The following TFAP2A variants were observed in gnomAD, a reference collection of about 807,000 sequenced individuals.
The protein encoded by TFAP2A is transcription factor AP-2 alpha, also known as transcription factor AP-2-alpha.
TFAP2A carries 7 observed loss-of-function variants against 41.5 expected under a neutral mutation model. The observed-to-expected ratio is 0.17, with a 90% CI of 0.10 to 0.32. The LOEUF is 0.32. Among genes scored for constraint, TFAP2A ranks in the 10% least tolerant of loss-of-function variants. TFAP2A has a pLI of 1.00. For missense variants in TFAP2A, 416 were observed against 563.3 expected, an observed-to-expected ratio of 0.74 and a Z score of 2.65; for synonymous variants, 247 against 242.8, an observed-to-expected ratio of 1.02 and a Z score of -0.16.
At chr6:10,411,716 A>G in intron 1 of TFAP2A, 1 of 1,560,616 alleles carries the variant, frequency 6.4e-7, no homozygotes, top group Non-Finnish European at 8.7e-7. Flanking sequence ...CGCGCCACCC[A>G]GGACTCCAGT....
chr6:10,411,358 T>G (rs1295318009), intron 1 of TFAP2A, among the ~76,000 whole-genome samples: 1 of 150,170 alleles, frequency 6.7e-6, no homozygotes, highest in Non-Finnish European at 1.5e-5. Flanking sequence ...CTCGGAGAGG[T>G]CGAGCGGGGG....
intron 5 of TFAP2A, chr6:10,400,836 CCT>C (rs1457222220): frequency 1.5e-6 from 1 of 665,112 alleles, no homozygotes; most frequent in Non-Finnish European, 2.8e-6. Context: ...CATCCACCAA[CCT>C]CCAGTCCCAT....
At chr6:10,410,667 T>C (rs1355056651) in intron 1 of TFAP2A, among the ~76,000 whole-genome samples, 1 of 152,150 alleles carries the variant, frequency 6.6e-6, no homozygotes, top group Non-Finnish European at 1.5e-5. Flanking sequence ...TCCTCCTAAA[T>C]ACTAAACAGC....
rs1761967264 is a variant in TFAP2A, at chr6:10,400,490, G to A, written c.989C>T (p.Pro330Leu). The change falls in exon 6 of 7, where the codon CCC becomes CTC. Residue 330 changes from proline to leucine, a missense_variant. Physicochemically the swap from Pro to Leu is moderately conservative, Grantham distance 98 (BLOSUM62 -3). Around this residue, in one of 3 missense-constraint regions of TFAP2A, gnomAD observed 116 missense variants for 153.8 expected, o/e 0.75. Coordinates refer to ENST00000379613, the MANE Select transcript of TFAP2A (RefSeq NM_001372066.1). Reference sequence around the variant, plus strand: ...GTTTTTTCTTGTCACTTGCTCATTGGGATCGGAATGTTGTCGGTTGAGAAA... The same window carrying A: ...GTTTTTTCTTGTCACTTGCTCATTGAGATCGGAATGTTGTCGGTTGAGAAA... ...AEFLNRQHSD[P>L]NEQVTRKNML... 6.2e-7 allele frequency: 1 copy of A among 1,614,058 alleles called. No individual in the cohort carries two copies. The highest frequency in any genetic ancestry group is 1.3e-5 in the African/African-American group (1 of 74,906).
In TFAP2A at chr6:10,404,720, C is replaced by T. The variant is rs1052818666; in HGVS notation, c.558G>A (p.Lys186=). ...VIKKGPVSLS[K]SNSNAVSAIP... ...TGGCGGAGACGGCATTGCTGTTGGA[C>T]TTGGACAGGGACACGGGGCCTGCGG... The change falls in exon 4 of 7, where the codon AAG becomes AAA. Residue 186 remains lysine, a synonymous_variant. Coordinates refer to ENST00000379613, the MANE Select transcript of TFAP2A (RefSeq NM_001372066.1). The T allele has an allele frequency of 6.2e-7, 1 of 1,614,054 alleles. No individual in the cohort carries two copies. The highest frequency in any genetic ancestry group is 8.5e-7 in the Non-Finnish European group (1 of 1,180,012).
In TFAP2A at chr6:10,398,194, A is replaced by AGGTCGAGGCGGGTGCAG. The variant is rs1035826843; in HGVS notation, c.*206_*222dup. The stretch of plus-strand genomic sequence containing the variant: ...CACAGGGGTGTGGGAGCGGGTGGGG[A>AGGTCGAGGCGGGTGCAG]GGTCGAGGCGGGTGCAGAGTCGGAG... On this transcript the variant is annotated 3_prime_UTR_variant, in exon 7 of 7. Coordinates refer to ENST00000379613, the MANE Select transcript of TFAP2A (RefSeq NM_001372066.1). The surrounding 1 kb of genome is among the most constrained non-coding windows in gnomAD (Gnocchi z 5.3). 2.5e-4 allele frequency: 361 copies of AGGTCGAGGCGGGTGCAG among 1,446,912 alleles called. No individual in the cohort carries two copies. The highest frequency in any genetic ancestry group is 3.1e-4 in the Non-Finnish European group (337 of 1,104,058). 89.6% of individuals were successfully genotyped at this position (1,446,912 alleles called of 1,614,324 possible).
chr6:10,412,154 A>C (rs900910078), intron 1 of TFAP2A: 2 of 989,622 alleles, frequency 2.0e-6, no homozygotes, highest in Non-Finnish European at 2.4e-6. Context: ...CGGGAGTCTC[A>C]GTGTAGCAAA....
rs758008816 is a variant in TFAP2A, at chr6:10,410,090, G to C, written c.297C>G (p.Pro99=). Residue 99 remains proline (P), a synonymous_variant, in exon 2 of 7, where the codon CCC becomes CCG. Coordinates refer to ENST00000379613, the MANE Select transcript of TFAP2A (RefSeq NM_001372066.1). ...AQPQPQHPGW[P]GQRQSQESGL... is the part of the protein sequence containing the mutation. The stretch of plus-strand genomic sequence containing the variant: ...CAGACTCCTGGCTCTGCCTCTGGCC[G>C]GGCCAGCCTGGGTGCTGCGGCTGCG... The C allele has an allele frequency of 4.9e-5, 79 of 1,612,846 alleles. No homozygotes were observed. The highest frequency in any genetic ancestry group is 6.4e-5 in the Non-Finnish European group (76 of 1,179,844).
intron 4 of TFAP2A, among the ~76,000 whole-genome samples, chr6:10,403,951 C>T (rs1018825600): frequency 6.6e-6 from 1 of 152,198 alleles, no homozygotes; most frequent in Non-Finnish European, 1.5e-5. Flanking sequence ...CTGGAGATGA[C>T]AGCGACCGGA....
intron 4 of TFAP2A, among the ~76,000 whole-genome samples, chr6:10,403,014 T>C (rs769820952): frequency 3.9e-5 from 6 of 152,258 alleles, no homozygotes; most frequent in Non-Finnish European, 7.3e-5. Flanking sequence ...GATATGCTGT[T>C]AGGTTGTTCC....
chr6:10,412,592 T>C, intron 1 of TFAP2A: 1 of 211,272 alleles, frequency 4.7e-6, no homozygotes, highest in South Asian at 4.5e-5. Context: ...CCTAAAAGGC[T>C]GGGGCAGACC....
rs752959552 is a variant in TFAP2A, at chr6:10,414,926, C to T, written c.51+15G>A. 2 of 1,613,578 alleles carry T rather than the reference C, an allele frequency of 1.2e-6. No homozygotes were observed. Among genetic ancestry groups the T allele is most frequent in the East Asian group, 2.2e-5 (1 of 44,826 alleles). ...CCTGTGACCGCACGGATGATCGAGC[C>T]GGCGTCGCGCTTACCTCGCAGTCCT... On this transcript the variant is annotated intron_variant, in intron 1 of 6. Transcript: ENST00000379613.
intron 4 of TFAP2A, among the ~76,000 whole-genome samples, chr6:10,402,882 C>T (rs946673495): frequency 6.6e-6 from 1 of 152,198 alleles, no homozygotes; most frequent in Non-Finnish European, 1.5e-5. Flanking sequence ...TAAAGAAGAA[C>T]CACAAACAAA....
chr6:10,413,056 C>A (rs973752347), intron 1 of TFAP2A, among the ~76,000 whole-genome samples: 1 of 152,186 alleles, frequency 6.6e-6, no homozygotes, highest in Non-Finnish European at 1.5e-5. Flanking sequence ...CTGACGCCCC[C>A]CCAGATGACA....
rs758672228 is a variant in TFAP2A, at chr6:10,398,705, T to C, written c.1032A>G (p.Lys344=). Residue 344 remains lysine, a splice_region_variant and synonymous_variant, in exon 7 of 7, where the codon AAA becomes AAG. Coordinates refer to ENST00000379613, the MANE Select transcript of TFAP2A (RefSeq NM_001372066.1). This position sits in a 1 kb window ranked among gnomAD's most constrained non-coding sequence, Gnocchi z 5.3. The stretch of plus-strand genomic sequence containing the variant: ...GGTCGGTGAACTCTTTGCATATCTG[T>C]CTGCAGCACAAGTGGAGCAGAGAGA... ...VTRKNMLLAT[K]QICKEFTDLL... 7.4e-6 allele frequency: 12 copies of C among 1,613,850 alleles called. No individual in the cohort carries two copies. Among genetic ancestry groups the C allele is most frequent in the Non-Finnish European group, 1.0e-5 (12 of 1,179,940 alleles).
upstream of TFAP2A, among the ~76,000 whole-genome samples, chr6:10,417,975 A>G (rs1758306652): frequency 6.6e-6 from 1 of 152,212 alleles, no homozygotes; most frequent in African/African-American, 2.4e-5. Flanking sequence ...AATTCACTGG[A>G]ATTTGAGGAG....
At chr6:10,414,808 G>A in intron 1 of TFAP2A, 133 bp downstream of exon 1, 1 of 1,230,332 alleles carries the variant, frequency 8.1e-7, no homozygotes, top group Middle Eastern at 1.9e-4. Flanking sequence ...GCGAATCCGA[G>A]GGACGGGCGC....
chr6:10,409,744 T>G, intron 2 of TFAP2A, 157 bp downstream of exon 2: 1 of 922,496 alleles, frequency 1.1e-6, no homozygotes, highest in South Asian at 1.6e-5. Context: ...GTGTGGTTCC[T>G]CAAAACGTCC....
chr6:10,415,408 T>C, upstream of TFAP2A: 1 of 542,960 alleles, frequency 1.8e-6, no homozygotes, highest in Non-Finnish European at 2.7e-6. Context: ...CGCCGCGAAC[T>C]TGCTTCTAGA....
Sources: allele counts gnomAD v4.1 joint callset (sites outside exome capture counted in the v4.1 genomes callset), GRCh38; gene constraint gnomAD v4.1.1; regional missense constraint gnomAD v4.1.1; non-coding constraint Gnocchi (gnomAD v3.1); transcripts MANE v1.5; gene names NCBI Gene and HGNC (gene_info 2026-07-23, HGNC 2026-07-21).